Variants in TM2D3 observed in about 807,000 individuals in gnomAD.
TM2D3 encodes TM2 domain containing 3, also known as TM2 domain-containing protein 3.
A neutral mutation model predicts 27.3 loss-of-function variants in TM2D3; 33 were observed. That is an observed-to-expected ratio of 1.21 (90% confidence interval 0.92 to 1.61). TM2D3 has a LOEUF of 1.61. TM2D3 is among the 40% of genes most tolerant of loss of function. TM2D3 has a pLI of 0.00. For synonymous variants in TM2D3, 138 were observed against 122.2 expected (o/e 1.13, Z -0.85); for missense variants, 364 against 320.8 (o/e 1.13, Z -1.03).
In TM2D3 at chr15:101,652,325, C is replaced by T. The variant is rs149437101; in HGVS notation, c.37G>A (p.Ala13Thr). 14 of 1,602,182 alleles carry T rather than the reference C, an allele frequency of 8.7e-6. No homozygotes were observed. The highest frequency in any genetic ancestry group is 1.7e-5 in the Admixed American group (1 of 59,462). ...AGGAAGAGCAGCACGCGACACAAGG[C>T]GCGGAGGCCCCTCAGCGGGAGCACC... is the stretch of plus-strand genomic sequence containing the variant. ...GGVLPLRGLR[A>T]LCRVLLFLSQ... Residue 13 changes from alanine (A) to threonine (T), a missense_variant, in exon 1 of 6, where the codon GCC becomes ACC. Ala to Thr is a moderately conservative substitution (Grantham distance 58). Coordinates refer to ENST00000333202, the MANE Select transcript of TM2D3 (RefSeq NM_078474.3).
chr15:101,637,981 G>A (rs183554437), downstream of TM2D3, among the ~76,000 whole-genome samples: 31 of 152,290 alleles, frequency 2.0e-4, no homozygotes, highest in Non-Finnish European at 3.1e-4. Flanking sequence ...GAAAAGCTCA[G>A]CTGAGACTAT....
At chr15:101,651,852 G>T in intron 1 of TM2D3, 79 bp from the exon 2 acceptor site, 1 of 1,461,068 alleles carries the variant, frequency 6.8e-7, no homozygotes, top group Non-Finnish European at 9.6e-7. Context: ...TTAACACGGC[G>T]GGTCTACACC....
intron 1 of TM2D3, 24 bp from the exon 2 acceptor site, chr15:101,651,797 A>G: frequency 6.2e-7 from 1 of 1,612,722 alleles, no homozygotes. Context: ...TCGTACAATT[A>G]GAGAAACACG....
chr15:101,647,205 A>C (rs537157382), intron 3 of TM2D3, among the ~76,000 whole-genome samples: 1 of 152,352 alleles, frequency 6.6e-6, no homozygotes, highest in Non-Finnish European at 1.5e-5. Flanking sequence ...TTGCTTAGCT[A>C]AATTTTTCAT....
chr15:101,633,047 G>C (rs954581602), exon 5 of TM2D3: 4 of 152,212 alleles, frequency 2.6e-5, no homozygotes, highest in African/African-American at 9.7e-5. Context: ...AAGAAAAACT[G>C]TCACCCAGAA....
At chr15:101,639,656 C>A (rs1896624803), downstream of TM2D3, among the ~76,000 whole-genome samples, 1 of 152,116 alleles carries the variant, frequency 6.6e-6, no homozygotes, top group Non-Finnish European at 1.5e-5. Flanking sequence ...AGCATAAGAT[C>A]TTTGAAAAAA....
chr15:101,638,010 G>A (rs145995138), downstream of TM2D3, among the ~76,000 whole-genome samples: 3 of 152,236 alleles, frequency 2.0e-5, no homozygotes, highest in African/African-American at 7.2e-5. Flanking sequence ...TAGAATATCT[G>A]GTCTCTGGTT....
intron 5 of TM2D3, among the ~76,000 whole-genome samples, chr15:101,643,738 A>C (rs1474053913): frequency 2.0e-5 from 3 of 152,012 alleles, no homozygotes; most frequent in Non-Finnish European, 4.4e-5. Context: ...GGGGTATATA[A>C]GAACTCTACT....
chr15:101,633,734 C>A, intron 4 of TM2D3: 1 of 1,527,374 alleles, frequency 6.5e-7, no homozygotes. Context: ...GCAGACTATA[C>A]CCAAAAAGAA....
chr15:101,642,629 C>A lies in TM2D3; in HGVS notation c.594G>T (p.Gly198=). The change falls in exon 6 of 6, where the codon GGG becomes GGT. Residue 198 remains glycine (G), a synonymous_variant. Coordinates refer to ENST00000333202, the MANE Select transcript of TM2D3 (RefSeq NM_078474.3). The part of the protein sequence containing the change: ...TALALSITLG[G]FGADRFYLGQ... ...CCAGGTAGAAACGGTCTGCTCCAAA[C>A]CCACCGAGGGTGATGCTGCGATGGC... 2.5e-6 allele frequency: 4 copies of A among 1,608,740 alleles called. No homozygotes were observed. Among genetic ancestry groups the A allele is most frequent in the Non-Finnish European group, 3.4e-6 (4 of 1,177,398 alleles).
chr15:101,634,542 G>A (rs897717216), intron 4 of TM2D3: 10 of 152,104 alleles, frequency 6.6e-5, no homozygotes, highest in East Asian at 1.9e-4. Flanking sequence ...ATAAGAACAC[G>A]GAATATTGGC....
intron 2 of TM2D3, 62 bp downstream of exon 2, chr15:101,651,634 A>G (rs1408761612): frequency 2.7e-6 from 4 of 1,497,796 alleles, no homozygotes; most frequent in African/African-American, 2.8e-5. Context: ...ATTTTTATAA[A>G]AACAAAGAGA....
chr15:101,633,107 A>G (rs1315340860), exon 5 of TM2D3: 1 of 152,246 alleles, frequency 6.6e-6, no homozygotes, highest in Non-Finnish European at 1.5e-5. Flanking sequence ...AAATAAAGAT[A>G]TTCTCAGATG....
chr15:101,651,477 A>G (rs1896965724), intron 2 of TM2D3: 1 of 491,510 alleles, frequency 2.0e-6, no homozygotes, highest in Non-Finnish European at 3.6e-6. Context: ...TGAGCGTGGG[A>G]TTGGAAAAAG....
chr15:101,648,296 G>A (rs1363195253), intron 3 of TM2D3: 5 of 152,238 alleles, frequency 3.3e-5, no homozygotes, highest in East Asian at 1.9e-4. Context: ...TGGCATATGC[G>A]CTGATGAAGC....
intron 5 of TM2D3, among the ~76,000 whole-genome samples, chr15:101,644,297 C>T (rs1449459801): frequency 1.3e-5 from 2 of 152,120 alleles, no homozygotes; most frequent in East Asian, 3.9e-4. Context: ...TAGGGGACAC[C>T]TGGCAACATC....
chr15:101,642,548 C>T lies in TM2D3; in HGVS notation c.675G>A (p.Trp225Ter), dbSNP rs1896695468. The T allele has an allele frequency of 6.2e-7, 1 of 1,613,418 alleles. No individual in the cohort carries two copies. The highest frequency in any genetic ancestry group is 8.5e-7 in the Non-Finnish European group (1 of 1,179,904). The part of the protein sequence containing the change: ...KLFSFGGLGI[W>*]TLIDVLLIGV... ...CAATGAGCAGGACGTCTATCAGCGT[C>T]CATATTCCCAGGCCACCGAAGCTGA... Residue 225 changes from tryptophan (W) to a stop codon, truncating the protein, a stop_gained, in exon 6 of 6, where the codon TGG (tryptophan) becomes TGA (stop). Transcript: ENST00000333202. LOFTEE classifies it high-confidence loss of function.
downstream of TM2D3, among the ~76,000 whole-genome samples, chr15:101,640,055 T>C (rs1481945224): frequency 6.6e-6 from 1 of 152,220 alleles, no homozygotes; most frequent in East Asian, 1.9e-4. Context: ...TCTAGAGAAC[T>C]ATCAATAGAG....
intron 2 of TM2D3, 190 bp from the exon 3 acceptor site, chr15:101,650,351 G>A (rs1230440544): frequency 7.7e-6 from 4 of 516,972 alleles, no homozygotes; most frequent in Non-Finnish European, 1.3e-5. Context: ...GTGGGACCTG[G>A]TGAGCACCAC....
Sources: gnomAD v4.1 joint callset for allele counts (sites outside exome capture counted in the v4.1 genomes callset) on GRCh38, gnomAD v4.1.1 for gene constraint, MANE v1.5 for transcripts, NCBI Gene and HGNC (gene_info 2026-07-23, HGNC 2026-07-21) for gene names.